Variants in ITGA8 observed in about 807,000 individuals in gnomAD.
The protein encoded by ITGA8 is integrin alpha-8.
A neutral mutation model predicts 142.3 loss-of-function variants in ITGA8; 91 were observed. That is an observed-to-expected ratio of 0.64 (90% CI 0.54 to 0.76). ITGA8 has a LOEUF of 0.76. Ranked by LOEUF, ITGA8 falls within the 30% of genes least tolerant of loss-of-function variation. The probability of loss-of-function intolerance (pLI) is 0.00; values close to 1 mark genes in which losing one functional copy is unlikely to be tolerated. For synonymous variants in ITGA8, 505 were observed against 485.2 expected (o/e 1.04, Z -0.54); for missense variants, 1,406 against 1,327.7 (o/e 1.06, Z -0.92).
At chr10:15,522,496 C>T (rs905829302) in intron 28 of ITGA8, among the ~76,000 whole-genome samples, 2 of 152,198 alleles carry the variant, frequency 1.3e-5, no homozygotes, top group African/African-American at 4.8e-5. Flanking sequence ...TAGTGATCAT[C>T]TACTCACAGG....
Position 15,641,216 on chromosome 10 carries a change from G to A in ITGA8, c.1399+2814C>T, listed in dbSNP as rs528958479. Among the ~76,000 whole-genome samples the A allele has an allele frequency of 4.7e-4, 72 of 152,288 alleles. No individual in the cohort carries two copies. The South Asian group carries it at 0.015, about 31-fold the overall frequency. On this transcript the variant is annotated intron_variant, in intron 13 of 29. Transcript: ENST00000378076. ...CTACAGGTGCATGCTACCACGGCTG[G>A]CTGAGGGGTCTTGAATCTGAATAAA... is the stretch of plus-strand genomic sequence containing the variant.
intron 21 of ITGA8, 62 bp from the exon 22 acceptor site, chr10:15,592,366 G>C: frequency 7.8e-7 from 1 of 1,278,708 alleles, no homozygotes; most frequent in South Asian, 1.3e-5. Flanking sequence ...TATTTTGTAA[G>C]TCATTCCTGC....
At chr10:15,655,222 C>CA in intron 11 of ITGA8, 132 bp downstream of exon 11, 1 of 554,950 alleles carries the variant, frequency 1.8e-6, no homozygotes. Context: ...TGTCTTGAAC[C>CA]AAAAAAGTTG....
intron 26 of ITGA8, among the ~76,000 whole-genome samples, chr10:15,556,489 C>T (rs1833891806): frequency 1.3e-5 from 2 of 152,142 alleles, no homozygotes; most frequent in Admixed American, 6.6e-5. Context: ...CCATACCAGA[C>T]CCAGTGTTCC....
intron 22 of ITGA8, among the ~76,000 whole-genome samples, chr10:15,587,330 T>A (rs1832851994): frequency 6.6e-6 from 1 of 152,362 alleles, no homozygotes; most frequent in South Asian, 2.1e-4. Flanking sequence ...ATCATGTTCA[T>A]TGCCCATTAA....
intron 27 of ITGA8, among the ~76,000 whole-genome samples, chr10:15,532,944 A>G (rs1439786492): frequency 6.6e-6 from 1 of 152,228 alleles, no homozygotes; most frequent in African/African-American, 2.4e-5. Flanking sequence ...AGGAAACACT[A>G]CATAATGGTG....
chr10:15,694,415 A>T (rs983434223), intron 2 of ITGA8, among the ~76,000 whole-genome samples: 4 of 18,500 alleles, frequency 2.2e-4, no homozygotes, highest in African/African-American at 3.6e-4. Context: ...ATCATATATC[A>T]GATAATATAT....
chr10:15,535,792 T>C (rs1414872708), intron 27 of ITGA8, among the ~76,000 whole-genome samples: 1 of 151,908 alleles, frequency 6.6e-6, no homozygotes, highest in Non-Finnish European at 1.5e-5. Context: ...CCTGCTGGGG[T>C]CCCCTTCCAC....
At position 15,669,420 on chromosome 10, in the gene ITGA8, C is replaced by G. The variant is rs551217343; in HGVS notation, c.847+2183G>C. Among the ~76,000 whole-genome samples the G allele has an allele frequency of 3.3e-5, 5 of 152,286 alleles. No homozygotes were observed. The South Asian group carries it at 1.0e-3, about 32-fold the overall frequency. ...TTGGTTATTCTAGTTATCCATTCAT[C>G]TAGTTTTTTTCCAAAGCTTTTACGT... is the stretch of plus-strand genomic sequence containing the variant. On this transcript the variant is annotated intron_variant, in intron 8 of 29. Coordinates refer to ENST00000378076, the MANE Select transcript of ITGA8 (RefSeq NM_003638.3).
At chr10:15,594,031 G>A (rs929065175) in intron 21 of ITGA8, among the ~76,000 whole-genome samples, 6 of 151,840 alleles carry the variant, frequency 4.0e-5, no homozygotes, top group African/African-American at 7.3e-5. Context: ...TAGAAGAGAC[G>A]GGGTTTCATC....
At chr10:15,695,491 T>C (rs905111200) in intron 2 of ITGA8, among the ~76,000 whole-genome samples, 1 of 152,212 alleles carries the variant, frequency 6.6e-6, no homozygotes, top group Non-Finnish European at 1.5e-5. Context: ...CAAGGTTCTT[T>C]CATGCCAAAT....
At chr10:15,670,833 G>A (rs72781805) in intron 8 of ITGA8, among the ~76,000 whole-genome samples, 26,865 of 152,048 alleles carry the variant, frequency 0.18, 2,979 homozygotes, top group Admixed American at 0.3. Flanking sequence ...GACTTTGCTC[G>A]AAGCCAATCT....
intron 10 of ITGA8, among the ~76,000 whole-genome samples, chr10:15,658,282 CT>C (rs1834222906): frequency 6.6e-6 from 1 of 152,184 alleles, no homozygotes; most frequent in African/African-American, 2.4e-5. Flanking sequence ...AGTCCAGGCC[CT>C]TTTTACAGTG....
intron 13 of ITGA8, among the ~76,000 whole-genome samples, chr10:15,628,913 C>A (rs184148010): frequency 2.0e-5 from 3 of 151,944 alleles, no homozygotes; most frequent in Non-Finnish European, 4.4e-5. Context: ...TTACAGCATG[C>A]AAATTGTCTC....
At chr10:15,658,876 A>G (rs573708628) in intron 10 of ITGA8, 123 bp downstream of exon 10, 1 of 678,584 alleles carries the variant, frequency 1.5e-6, no homozygotes, top group African/African-American at 1.9e-5. Context: ...TGCCTAGGAC[A>G]GTTTCCAGTA....
intron 11 of ITGA8, among the ~76,000 whole-genome samples, chr10:15,652,962 G>A (rs559645620): frequency 2.6e-5 from 4 of 152,230 alleles, no homozygotes; most frequent in Non-Finnish European, 4.4e-5. Context: ...CTCACAGGAC[G>A]TTGTAGCCTT....
Position 15,531,082 on chromosome 10 carries a change from G to A in ITGA8, c.2950C>T (p.Gln984Ter), listed in dbSNP as rs1214594910. ...CTTCCTTCTGGGAGTTTTGCTGGCT[G>A]ATCTGTATAAGGCATCTTCTTAACT... ...FEVKKMPYTD[Q>*]PAKLPEGSIV... The change falls in exon 28 of 30, where the codon CAG becomes TAG. Residue 984 changes from glutamine (Q) to a stop codon, truncating the protein, a stop_gained. Transcript: ENST00000378076. LOFTEE classifies it high-confidence loss of function. 1 of 1,584,844 alleles carries A rather than the reference G, an allele frequency of 6.3e-7. No individual in the cohort carries two copies. The highest frequency in any genetic ancestry group is 2.3e-5 in the East Asian group (1 of 43,724).
chr10:15,699,826 G>T (rs1835128680), intron 2 of ITGA8, among the ~76,000 whole-genome samples: 1 of 152,166 alleles, frequency 6.6e-6, no homozygotes, highest in Non-Finnish European at 1.5e-5. Flanking sequence ...TGTTATTACA[G>T]GAGGACTTTT....
intron 2 of ITGA8, among the ~76,000 whole-genome samples, chr10:15,694,358 TCA>T (rs1284602482): frequency 7.5e-6 from 1 of 132,492 alleles, no homozygotes; most frequent in African/African-American, 3.1e-5. Context: ...ATATCATATA[TCA>T]GATAATATAT....
Sources: gnomAD v4.1 joint callset for allele counts (sites outside exome capture counted in the v4.1 genomes callset) on GRCh38, gnomAD v4.1.1 for gene constraint, MANE v1.5 for transcripts, NCBI Gene and HGNC (gene_info 2026-07-23, HGNC 2026-07-21) for gene names.